The following EIF2AK2 variants were observed in gnomAD, a reference collection of about 807,000 sequenced individuals.
EIF2AK2 encodes the protein interferon-induced, double-stranded RNA-activated protein kinase.
Under a neutral mutation model 70.5 loss-of-function variants are expected in EIF2AK2, and 40 were observed. The observed-to-expected ratio is 0.57, with a 90% CI of 0.44 to 0.74. EIF2AK2 has a LOEUF of 0.74. Among genes scored for constraint, EIF2AK2 ranks in the 30% least tolerant of loss-of-function variants. The pLI, the probability that EIF2AK2 is intolerant of heterozygous loss-of-function variation, is 0.00. For missense variants in EIF2AK2, 555 were observed against 644.3 expected (o/e 0.86, Z 1.50); for synonymous variants, 198 against 220.9 (o/e 0.90, Z 0.92).
At chr2:37,123,331 A>G (rs1314313633) in intron 11 of EIF2AK2, among the ~76,000 whole-genome samples, 2 of 151,764 alleles carry the variant, frequency 1.3e-5, no homozygotes, top group East Asian at 3.9e-4. Context: ...CAGTGGCACA[A>G]TCTTGGCTCA....
At chr2:37,149,748 C>T (rs757026805) in intron 1 of EIF2AK2, among the ~76,000 whole-genome samples, 2 of 152,162 alleles carry the variant, frequency 1.3e-5, no homozygotes, top group Non-Finnish European at 2.9e-5. Context: ...CTACAAATCA[C>T]GATGTAAATA....
chr2:37,115,540 G>A (rs1222617604), intron 13 of EIF2AK2, among the ~76,000 whole-genome samples: 1 of 152,114 alleles, frequency 6.6e-6, no homozygotes, highest in Non-Finnish European at 1.5e-5. Context: ...TATCCTAATA[G>A]TGTTGTCCAA....
At chr2:37,148,625 T>A (rs1405032986) in intron 2 of EIF2AK2, 1 of 845,988 alleles carries the variant, frequency 1.2e-6, no homozygotes, top group African/African-American at 1.7e-5. Context: ...GTTGCAAGAA[T>A]TGTCATCAAA....
intron 10 of EIF2AK2, among the ~76,000 whole-genome samples, chr2:37,128,456 A>C (rs951874082): frequency 1.3e-5 from 2 of 152,126 alleles, no homozygotes; most frequent in African/African-American, 4.8e-5. Context: ...AAATCCACAT[A>C]AGCATCACAA....
intron 1 of EIF2AK2, among the ~76,000 whole-genome samples, chr2:37,151,070 C>T (rs1675724378): frequency 6.6e-6 from 1 of 152,042 alleles, no homozygotes; most frequent in Non-Finnish European, 1.5e-5. Flanking sequence ...AGCAAGAGCA[C>T]AAGCAACAAA....
chr2:37,145,798 G>T (rs1198281957), intron 4 of EIF2AK2, among the ~76,000 whole-genome samples: 1 of 122,978 alleles, frequency 8.1e-6, no homozygotes, highest in African/African-American at 3.1e-5. Flanking sequence ...GGATCCCCAG[G>T]CTGGAGTGCA....
At chr2:37,121,355 T>C (rs1470545281) in intron 12 of EIF2AK2, among the ~76,000 whole-genome samples, 2 of 146,552 alleles carry the variant, frequency 1.4e-5, no homozygotes, top group East Asian at 2.0e-4. Flanking sequence ...TGCTAACAGA[T>C]AGAAATAGGA....
intron 8 of EIF2AK2, among the ~76,000 whole-genome samples, 200 bp from the exon 9 acceptor site, chr2:37,137,217 T>C (rs1360469860): frequency 1.3e-5 from 2 of 152,224 alleles, no homozygotes; most frequent in Non-Finnish European, 2.9e-5. Flanking sequence ...TTTAAAATAG[T>C]ATCTAATTGT....
intron 10 of EIF2AK2, among the ~76,000 whole-genome samples, chr2:37,126,967 G>GAAAAAAAA (rs57802509): frequency 2.1e-4 from 11 of 52,168 alleles, no homozygotes; most frequent in African/African-American, 3.8e-4. Flanking sequence ...CAAAAAAACA[G>GAAAAAAAA]AAAAAAAAAA....
intron 1 of EIF2AK2, among the ~76,000 whole-genome samples, chr2:37,152,140 T>A (rs2148718146): frequency 6.6e-6 from 1 of 152,298 alleles, no homozygotes; most frequent in East Asian, 1.9e-4. Flanking sequence ...AATCCAGACA[T>A]AAAATTTCAC....
chr2:37,112,986 A>G (rs1279132432), intron 14 of EIF2AK2, among the ~76,000 whole-genome samples: 1 of 152,266 alleles, frequency 6.6e-6, no homozygotes, highest in Non-Finnish European at 1.5e-5. Flanking sequence ...AATAGCATTT[A>G]AATAATTAAC....
intron 10 of EIF2AK2, among the ~76,000 whole-genome samples, chr2:37,133,149 C>T (rs763479667): frequency 3.9e-5 from 6 of 152,144 alleles, no homozygotes; most frequent in Non-Finnish European, 7.3e-5. Flanking sequence ...AAAAATCACC[C>T]GCACCAGGTA....
intron 8 of EIF2AK2, 75 bp downstream of exon 8, chr2:37,138,195 C>A: frequency 6.3e-6 from 7 of 1,115,554 alleles, no homozygotes; most frequent in South Asian, 3.0e-5. Flanking sequence ...TGGTGGAATA[C>A]TGGAAGTTAT....
chr2:37,156,238 G>A (rs1269580811), intron 1 of EIF2AK2, among the ~76,000 whole-genome samples: 2 of 152,190 alleles, frequency 1.3e-5, no homozygotes, highest in African/African-American at 4.8e-5. Flanking sequence ...GGAAGCCAGC[G>A]TGGCCGGAGT....
In EIF2AK2 at chr2:37,101,662, G is replaced by A. The variant is rs1317538432; in HGVS notation, c.*5611C>T. On this transcript the variant is annotated 3_prime_UTR_variant, in exon 17 of 17. Transcript: ENST00000233057. ...GGATACTCTCAGTCAAATCCTGAGTGGAGGAAATTCCACAGGACAAATAAA... is the reference window on the plus strand; with the variant it reads ...GGATACTCTCAGTCAAATCCTGAGTAGAGGAAATTCCACAGGACAAATAAA... 2.0e-5 allele frequency: 3 copies of A among 152,152 alleles called. No homozygotes were observed. Among genetic ancestry groups the A allele is most frequent in the African/African-American group, 7.2e-5 (3 of 41,428 alleles). 9.4% of individuals were successfully genotyped at this position (152,152 alleles called of 1,614,324 possible).
chr2:37,143,802 T>C (rs1573034501), intron 4 of EIF2AK2, among the ~76,000 whole-genome samples: 1 of 152,012 alleles, frequency 6.6e-6, no homozygotes, highest in South Asian at 2.1e-4. Context: ...GAGGATCACC[T>C]GAGCCTGGGG....
At chr2:37,138,145 C>A (rs1248602032) in intron 8 of EIF2AK2, 125 bp downstream of exon 8, 5 of 556,974 alleles carry the variant, frequency 9.0e-6, no homozygotes, top group Non-Finnish European at 1.2e-5. Context: ...GAGGTATTAT[C>A]ATTTAGTAAG....
At chr2:37,149,995 C>T (rs1675686842) in intron 1 of EIF2AK2, among the ~76,000 whole-genome samples, 1 of 152,162 alleles carries the variant, frequency 6.6e-6, no homozygotes, top group Admixed American at 6.5e-5. Context: ...TTGAATCAAA[C>T]ATAAATGGAT....
chr2:37,123,366 A>G (rs1300599459), intron 11 of EIF2AK2, among the ~76,000 whole-genome samples: 1 of 151,780 alleles, frequency 6.6e-6, no homozygotes, highest in African/African-American at 2.4e-5. Flanking sequence ...TTCTAGCCTC[A>G]AACAATTCTC....
Sources: allele counts gnomAD v4.1 joint callset (sites outside exome capture counted in the v4.1 genomes callset), GRCh38; gene constraint gnomAD v4.1.1; transcripts MANE v1.5; gene names NCBI Gene and HGNC (gene_info 2026-07-23, HGNC 2026-07-21).